The following FSTL4 variants were observed in gnomAD, a reference collection of about 807,000 sequenced individuals.
FSTL4 encodes follistatin like 4, also known as follistatin-related protein 4.
Under a neutral mutation model 78.2 loss-of-function variants are expected in FSTL4, and 28 were observed. The observed-to-expected ratio is 0.36, with a 90% CI of 0.27 to 0.49. The LOEUF is 0.49. Ranked by LOEUF, FSTL4 falls within the 20% of genes least tolerant of loss-of-function variation. The pLI is 0.98. For missense variants in FSTL4, 922 were observed against 1,084.9 expected, an observed-to-expected ratio of 0.85 and a Z score of 2.11; for synonymous variants, 422 against 440.5, an observed-to-expected ratio of 0.96 and a Z score of 0.53.
At chr5:133,345,120 C>A (rs557081614) in intron 4 of FSTL4, among the ~76,000 whole-genome samples, 1 of 152,196 alleles carries the variant, frequency 6.6e-6, no homozygotes, top group East Asian at 1.9e-4. Flanking sequence ...AGGGCCCCCA[C>A]TTTTTAAATC....
At chr5:133,757,704 T>C in the FSTL4 span, among the ~76,000 whole-genome samples, 1 of 152,160 alleles carries the variant, frequency 6.6e-6, no homozygotes. Flanking sequence ...GAGCTTGGAA[T>C]GCGAGGCAGT....
chr5:133,467,158 G>A (rs1353868101), intron 3 of FSTL4, among the ~76,000 whole-genome samples: 1 of 151,764 alleles, frequency 6.6e-6, no homozygotes, highest in Admixed American at 6.6e-5. Flanking sequence ...ATGTGTGTGA[G>A]AGTGAGTGTA....
rs1361131649 is a variant in FSTL4, at chr5:133,225,871, T to G, written c.1016-52A>C. ...GAAAGAGACGGCCCTGACCTGGACT[T>G]GGGCCTGTGGCCCAACCTGAGACCC... On this transcript the variant is annotated intron_variant, in intron 8 of 15. Coordinates refer to ENST00000265342, the MANE Select transcript of FSTL4 (RefSeq NM_015082.2). This position sits in a 1 kb window ranked among gnomAD's most constrained non-coding sequence, Gnocchi z 4.6. The G allele has an allele frequency of 7.0e-7, 1 of 1,423,394 alleles. No individual in the cohort carries two copies. The highest frequency in any genetic ancestry group is 1.4e-5 in the African/African-American group (1 of 69,610). 88.2% of individuals were successfully genotyped at this position (1,423,394 alleles called of 1,614,324 possible). A position where few individuals can be genotyped will look rare whatever the true frequency, so the allele number is the denominator to read the frequency against.
At position 133,453,078 on chromosome 5, in the gene FSTL4, T is replaced by TGAAC. The variant is rs1757414699; in HGVS notation, c.161-52096_161-52093dup. 2.0e-5 allele frequency among the ~76,000 whole-genome samples: 3 copies of TGAAC among 152,316 alleles called. No individual in the cohort carries two copies. The South Asian group carries it at 6.2e-4, about 32-fold the overall frequency. ...AAAAATGAATGAATGAATGAATGAA[T>TGAAC]GAACAGATGAGTGACTCCAGATCCA... On this transcript the variant is annotated intron_variant, in intron 3 of 15. Transcript: ENST00000265342.
intron 3 of FSTL4, among the ~76,000 whole-genome samples, chr5:133,477,863 T>C (rs188709920): frequency 3.3e-5 from 5 of 152,352 alleles, no homozygotes; most frequent in Admixed American, 2.6e-4. Flanking sequence ...ATTAAATTAA[T>C]AACTCTGTCT....
At chr5:133,759,672 TCTAA>T in the FSTL4 span, among the ~76,000 whole-genome samples, 2 of 152,212 alleles carry the variant, frequency 1.3e-5, no homozygotes, top group African/African-American at 4.8e-5. Flanking sequence ...TCCATGTTTC[TCTAA>T]CTGTGGACCA....
chr5:133,763,412 G>T, the FSTL4 span, among the ~76,000 whole-genome samples: 1 of 152,318 alleles, frequency 6.6e-6, no homozygotes, highest in African/African-American at 2.4e-5. Flanking sequence ...TGGAGCCCTA[G>T]CTCCTCCTTC....
chr5:133,297,353 C>T (rs573472176), intron 6 of FSTL4, among the ~76,000 whole-genome samples: 7 of 152,164 alleles, frequency 4.6e-5, no homozygotes, highest in Admixed American at 3.9e-4. Context: ...GGAGGGTGCT[C>T]CCACCTGTCC....
the FSTL4 span, among the ~76,000 whole-genome samples, chr5:133,769,968 TTTGAG>T: frequency 6.6e-6 from 1 of 152,156 alleles, no homozygotes; most frequent in Non-Finnish European, 1.5e-5. Context: ...TGATTTTCTG[TTTGAG>T]TTATTTCACT....
chr5:133,381,668 T>C (rs1343779555), intron 4 of FSTL4, among the ~76,000 whole-genome samples: 1 of 152,242 alleles, frequency 6.6e-6, no homozygotes, highest in African/African-American at 2.4e-5. Flanking sequence ...GTACACATTT[T>C]CATCCCACTG....
At chr5:133,798,711 C>T in the FSTL4 span, among the ~76,000 whole-genome samples, 2 of 152,096 alleles carry the variant, frequency 1.3e-5, no homozygotes, top group African/African-American at 2.4e-5. Context: ...AAGGGACAAC[C>T]GAAATCTTAG....
At chr5:133,513,841 T>A (rs1321210367) in intron 3 of FSTL4, among the ~76,000 whole-genome samples, 2 of 152,130 alleles carry the variant, frequency 1.3e-5, no homozygotes, top group Admixed American at 1.3e-4. Context: ...ACTTTAGAAT[T>A]CAGAAGAAAA....
At chr5:133,490,130 ATTG>A (rs1443179379) in intron 3 of FSTL4, among the ~76,000 whole-genome samples, 1 of 142,964 alleles carries the variant, frequency 7.0e-6, no homozygotes, top group Admixed American at 6.9e-5. Context: ...TCTTTGCCTC[ATTG>A]TTTTTTTTTT....
chr5:133,686,238 T>C, the FSTL4 span, among the ~76,000 whole-genome samples: 55,368 of 152,036 alleles, frequency 0.36, 10,135 homozygotes, highest in South Asian at 0.4. Context: ...GCTTTCAGAC[T>C]CTGTTCCTCT....
At chr5:133,530,250 A>C (rs911376984) in intron 3 of FSTL4, among the ~76,000 whole-genome samples, 1 of 152,194 alleles carries the variant, frequency 6.6e-6, no homozygotes, top group Non-Finnish European at 1.5e-5. Flanking sequence ...GCATCTTCTG[A>C]AGCTGCAGCA....
chr5:133,351,454 A>G (rs967941081), intron 4 of FSTL4, among the ~76,000 whole-genome samples: 10 of 152,038 alleles, frequency 6.6e-5, no homozygotes, highest in Non-Finnish European at 1.2e-4. Flanking sequence ...TATAACTCCT[A>G]TTAGATGTAT....
In FSTL4 at chr5:133,574,397, C is replaced by T. The variant is rs568073983; in HGVS notation, c.127-7178G>A. Among the ~76,000 whole-genome samples, 10 of 152,342 alleles carry T rather than the reference C, an allele frequency of 6.6e-5. No individual in the cohort carries two copies. The South Asian group carries it at 2.1e-3, about 32-fold the overall frequency. ...AAACTTTCCTCATTGGTCTGAGTCCCAGTATGGAGAGGCTCCTCCCCTGGA... is the reference window on the plus strand; with the variant it reads ...AAACTTTCCTCATTGGTCTGAGTCCTAGTATGGAGAGGCTCCTCCCCTGGA... On this transcript the variant is annotated intron_variant, in intron 2 of 15. Transcript: ENST00000265342.
chr5:133,259,512 T>C (rs933593407), intron 6 of FSTL4, among the ~76,000 whole-genome samples: 4 of 116,818 alleles, frequency 3.4e-5, no homozygotes, highest in Non-Finnish European at 4.8e-5. Flanking sequence ...AGAAGGATTT[T>C]TTTTTCTTTT....
chr5:133,396,940 C>T (rs1756070167), intron 4 of FSTL4, among the ~76,000 whole-genome samples: 1 of 152,224 alleles, frequency 6.6e-6, no homozygotes, highest in South Asian at 2.1e-4. Context: ...AATCCACCTG[C>T]AACCGCCCGC....
Sources: allele counts gnomAD v4.1 joint callset (sites outside exome capture counted in the v4.1 genomes callset), GRCh38; gene constraint gnomAD v4.1.1; non-coding constraint Gnocchi (gnomAD v3.1); transcripts MANE v1.5; gene names NCBI Gene and HGNC (gene_info 2026-07-23, HGNC 2026-07-21).